Variants in KLRF1 observed in about 807,000 individuals in gnomAD.
KLRF1 encodes the protein killer cell lectin like receptor F1, also known as killer cell lectin-like receptor subfamily F member 1.
KLRF1 carries 27 observed loss-of-function variants against 30.7 expected under a neutral mutation model. The observed-to-expected ratio is 0.88, with a 90% CI of 0.65 to 1.21. The LOEUF (loss-of-function observed/expected upper bound fraction) is 1.21. KLRF1 is among the 50% of genes most tolerant of loss of function. The pLI is 0.00. For missense variants in KLRF1, 246 were observed against 259.3 expected (o/e 0.95, Z 0.35); for synonymous variants, 92 against 89.3 (o/e 1.03, Z -0.17).
chr12:9,843,885 C>G (rs762507461), intron 5 of KLRF1, among the ~76,000 whole-genome samples: 1 of 152,058 alleles, frequency 6.6e-6, no homozygotes, highest in Non-Finnish European at 1.5e-5. Context: ...ATCACTAACA[C>G]TACATTATTT....
intron 2 of KLRF1, 42 bp downstream of exon 2, chr12:9,832,456 G>A (rs1355191881): frequency 9.3e-7 from 1 of 1,074,854 alleles, no homozygotes; most frequent in Non-Finnish European, 1.4e-6. Context: ...TATGAAAGAT[G>A]TTTACTTGTC....
At chr12:9,803,504 A>G in the KLRF1 span, among the ~76,000 whole-genome samples, 1 of 151,924 alleles carries the variant, frequency 6.6e-6, no homozygotes, top group Non-Finnish European at 1.5e-5. Flanking sequence ...CTCATACCCA[A>G]CATCATCTAG....
the KLRF1 span, among the ~76,000 whole-genome samples, chr12:9,807,253 G>C: frequency 7.2e-5 from 11 of 151,776 alleles, no homozygotes; most frequent in Non-Finnish European, 1.0e-4. Context: ...ATATGTTACA[G>C]ACCAAAGAAT....
At chr12:9,804,480 C>T in the KLRF1 span, among the ~76,000 whole-genome samples, 5,113 of 151,748 alleles carry the variant, frequency 0.034, 263 homozygotes, top group African/African-American at 0.11. Context: ...ATTATTTGTG[C>T]GATTAGTGTA....
the KLRF1 span, among the ~76,000 whole-genome samples, chr12:9,805,093 G>T: frequency 6.6e-6 from 1 of 151,832 alleles, no homozygotes; most frequent in Non-Finnish European, 1.5e-5. Context: ...TTTTAACATA[G>T]TATTATATTA....
At chr12:9,821,218 C>G in the KLRF1 span, among the ~76,000 whole-genome samples, 1 of 152,122 alleles carries the variant, frequency 6.6e-6, no homozygotes, top group African/African-American at 2.4e-5. Flanking sequence ...GAATACCAAG[C>G]TCATGCCAGC....
At chr12:9,805,488 T>TTCAACA in the KLRF1 span, among the ~76,000 whole-genome samples, 1 of 151,992 alleles carries the variant, frequency 6.6e-6, no homozygotes, top group Admixed American at 6.6e-5. Context: ...TTTAATACTA[T>TTCAACA]TGCGTTGATG....
intron 1 of KLRF1, among the ~76,000 whole-genome samples, chr12:9,831,010 G>T (rs916256053): frequency 2.0e-5 from 3 of 150,796 alleles, no homozygotes; most frequent in Non-Finnish European, 4.4e-5. Context: ...TCGCTCTGTC[G>T]CCCAGGCTGG....
intron 3 of KLRF1, among the ~76,000 whole-genome samples, chr12:9,836,859 C>T (rs1867589303): frequency 6.6e-6 from 1 of 151,962 alleles, no homozygotes; most frequent in Non-Finnish European, 1.5e-5. Context: ...ATTAAGGCGG[C>T]TTTGGTAGGT....
chr12:9,837,035 C>T (rs764777304), intron 3 of KLRF1, among the ~76,000 whole-genome samples: 42 of 152,180 alleles, frequency 2.8e-4, no homozygotes, highest in Middle Eastern at 3.4e-3. Context: ...AACCTTCAAA[C>T]GTTGTGAACT....
At chr12:9,821,699 G>A in the KLRF1 span, among the ~76,000 whole-genome samples, 288 of 152,256 alleles carry the variant, frequency 1.9e-3, 1 homozygote, top group Non-Finnish European at 3.3e-3. Context: ...AGCTGTGGGG[G>A]AAAGCCCAGG....
chr12:9,833,901 C>CTTTTTTTTTTTTTTTTTT (rs35443913), intron 3 of KLRF1, among the ~76,000 whole-genome samples: 4 of 82,406 alleles, frequency 4.9e-5, no homozygotes, highest in African/African-American at 1.7e-4. Context: ...AAATGTTTAA[C>CTTTTTTTTTTTTTTTTTT]TTTTTTTTTT....
chr12:9,837,041 G>A (rs1867592562), intron 3 of KLRF1, among the ~76,000 whole-genome samples: 1 of 151,982 alleles, frequency 6.6e-6, no homozygotes, highest in African/African-American at 2.4e-5. Flanking sequence ...CAAACGTTGT[G>A]AACTACCATG....
Position 9,833,465 on chromosome 12 carries a change from G to A in KLRF1, c.334+13G>A. On this transcript the variant is annotated intron_variant, in intron 3 of 5. Coordinates refer to ENST00000617889, the MANE Select transcript of KLRF1 (RefSeq NM_016523.3). ...GCAGACCAGACAGGTATGTCTCAAG[G>A]CTTTGGCTTATCCTAGTTTTAATCT... 2 of 1,578,704 alleles carry A rather than the reference G, an allele frequency of 1.3e-6. No individual in the cohort carries two copies. The highest frequency in any genetic ancestry group is 8.6e-7 in the Non-Finnish European group (1 of 1,166,962).
the KLRF1 span, among the ~76,000 whole-genome samples, chr12:9,814,432 G>A: frequency 3.3e-5 from 5 of 152,188 alleles, no homozygotes; most frequent in Non-Finnish European, 7.3e-5. Context: ...ACAACATAGG[G>A]GATTGGGTTG....
intron 1 of KLRF1, among the ~76,000 whole-genome samples, chr12:9,829,380 AT>A (rs1287795298): frequency 6.6e-6 from 1 of 152,120 alleles, no homozygotes; most frequent in Non-Finnish European, 1.5e-5. Flanking sequence ...CCTTTTCTTC[AT>A]TTTTTATGGA....
intron 3 of KLRF1, among the ~76,000 whole-genome samples, chr12:9,841,028 A>G (rs1349089459): frequency 6.6e-6 from 1 of 152,150 alleles, no homozygotes; most frequent in African/African-American, 2.4e-5. Flanking sequence ...TATTCGCTAT[A>G]GAAAAACATG....
At chr12:9,820,554 G>A in the KLRF1 span, among the ~76,000 whole-genome samples, 1 of 152,140 alleles carries the variant, frequency 6.6e-6, no homozygotes, top group African/African-American at 2.4e-5. Flanking sequence ...GGGACCAGGG[G>A]CTGATCTGGC....
At chr12:9,840,855 C>T (rs1446236428) in intron 3 of KLRF1, among the ~76,000 whole-genome samples, 1 of 151,916 alleles carries the variant, frequency 6.6e-6, no homozygotes, top group Admixed American at 6.6e-5. Flanking sequence ...GTGGTGGAAG[C>T]GTAAATTTGT....
Sources: allele counts gnomAD v4.1 joint callset (sites outside exome capture counted in the v4.1 genomes callset), GRCh38; gene constraint gnomAD v4.1.1; transcripts MANE v1.5; gene names NCBI Gene and HGNC (gene_info 2026-07-23, HGNC 2026-07-21).